Variants in ADK observed in about 807,000 individuals in gnomAD.
ADK encodes N6,N6-dimethyladenosine kinase.
Under a neutral mutation model 44.7 loss-of-function variants are expected in ADK, and 24 were observed. The ratio of observed to expected loss-of-function variants is 0.54; its 90% CI spans 0.39 to 0.76. ADK has a LOEUF of 0.76. ADK is among the 30% of genes least tolerant of loss of function. The pLI is 0.00. For missense variants in ADK, 321 were observed against 425.1 expected, an observed-to-expected ratio of 0.76 and a Z score of 2.15; for synonymous variants, 128 against 142.6, an observed-to-expected ratio of 0.90 and a Z score of 0.73.
chr10:74,229,326 A>G (rs192935158), intron 3 of ADK, among the ~76,000 whole-genome samples: 1 of 151,556 alleles, frequency 6.6e-6, no homozygotes, highest in Non-Finnish European at 1.5e-5. Flanking sequence ...CAGGAAAGTT[A>G]TAAGTATTTA....
chr10:74,226,848 G>A (rs1307435235), intron 3 of ADK, among the ~76,000 whole-genome samples: 1 of 152,026 alleles, frequency 6.6e-6, no homozygotes, highest in Non-Finnish European at 1.5e-5. Flanking sequence ...CCACTTGTTT[G>A]ATTTGTCATT....
intron 7 of ADK, among the ~76,000 whole-genome samples, chr10:74,575,962 A>G (rs1206994545): frequency 1.3e-5 from 2 of 152,208 alleles, no homozygotes; most frequent in East Asian, 1.9e-4. Flanking sequence ...ATTTATGCAT[A>G]TAAAATGGAC....
At chr10:74,683,660 G>A (rs909451530) in intron 10 of ADK, among the ~76,000 whole-genome samples, 17 of 152,178 alleles carry the variant, frequency 1.1e-4, no homozygotes, top group African/African-American at 3.9e-4. Context: ...TGTTCTAGAC[G>A]CACATGGGAA....
At chr10:74,371,804 T>C (rs1352915212) in intron 4 of ADK, 2 of 1,272,190 alleles carry the variant, frequency 1.6e-6, no homozygotes, top group African/African-American at 1.5e-5. Context: ...TGCTGAAGTT[T>C]GCTGCTGCCA....
chr10:74,567,506 A>G (rs1231753772), intron 7 of ADK, among the ~76,000 whole-genome samples: 1 of 152,090 alleles, frequency 6.6e-6, no homozygotes, highest in Non-Finnish European at 1.5e-5. Context: ...CTCTGCTCAT[A>G]TTTTATGGGC....
intron 4 of ADK, among the ~76,000 whole-genome samples, chr10:74,377,859 G>T (rs1313224362): frequency 6.6e-6 from 1 of 152,082 alleles, no homozygotes; most frequent in Admixed American, 6.6e-5. Flanking sequence ...AGTTTTTCTG[G>T]GGCCTCCTTA....
At chr10:74,218,672 G>A (rs1194141915) in intron 2 of ADK, among the ~76,000 whole-genome samples, 6 of 152,130 alleles carry the variant, frequency 3.9e-5, no homozygotes, top group East Asian at 1.9e-4. Flanking sequence ...CGGATCTCTC[G>A]GCAAAAACTC....
At chr10:74,412,495 A>G (rs913137418) in intron 6 of ADK, among the ~76,000 whole-genome samples, 5 of 152,114 alleles carry the variant, frequency 3.3e-5, no homozygotes, top group Admixed American at 6.6e-5. Flanking sequence ...GAGGTTTTCA[A>G]TTTACTCTGC....
chr10:74,449,375 A>G (rs1845692898), intron 6 of ADK, among the ~76,000 whole-genome samples: 1 of 152,208 alleles, frequency 6.6e-6, no homozygotes, highest in African/African-American at 2.4e-5. Context: ...TACATCTGAA[A>G]AATACCTGTA....
chr10:74,651,850 C>T (rs1042904090), intron 9 of ADK, among the ~76,000 whole-genome samples: 1 of 151,852 alleles, frequency 6.6e-6, no homozygotes, highest in African/African-American at 2.4e-5. Context: ...GAATGAATGT[C>T]AAAAACATTA....
chr10:74,195,090 C>CAA lies in ADK; in HGVS notation c.66-5665_66-5664dup, dbSNP rs11372723. On this transcript the variant is annotated intron_variant, in intron 1 of 10. Transcript: ENST00000539909. ...TAAAATTACTGACCGCTCCCCCCCC[C>CAA]AAAAAAAAAAGATTGTTCAGAATCT... Among the ~76,000 whole-genome samples the CAA allele has an allele frequency of 2.7e-3, 408 of 148,902 alleles. 2 individuals are homozygous for CAA. The highest frequency in any genetic ancestry group is 5.1e-3 in the South Asian group (24 of 4,716).
intron 6 of ADK, among the ~76,000 whole-genome samples, chr10:74,494,961 G>T (rs1847630190): frequency 6.6e-6 from 1 of 152,172 alleles, no homozygotes; most frequent in African/African-American, 2.4e-5. Context: ...GCTCCATGTG[G>T]AATTCTAGTG....
At chr10:74,426,961 GC>G (rs1287557281) in intron 6 of ADK, among the ~76,000 whole-genome samples, 1 of 151,938 alleles carries the variant, frequency 6.6e-6, no homozygotes, top group Non-Finnish European at 1.5e-5. Flanking sequence ...GCCTCAACAG[GC>G]CCCTGTGTGT....
chr10:74,257,163 A>T (rs187771082), intron 3 of ADK, among the ~76,000 whole-genome samples: 13 of 151,086 alleles, frequency 8.6e-5, no homozygotes, highest in Non-Finnish European at 1.6e-4. Context: ...ATCCTTCAGT[A>T]TACATGGGCG....
At chr10:74,261,890 G>C (rs1278620786) in intron 3 of ADK, among the ~76,000 whole-genome samples, 1 of 151,492 alleles carries the variant, frequency 6.6e-6, no homozygotes, top group Non-Finnish European at 1.5e-5. Context: ...ATAGTCCAGA[G>C]ACTTAAATGT....
chr10:74,404,831 A>G (rs1178269395), intron 6 of ADK, among the ~76,000 whole-genome samples: 1 of 152,226 alleles, frequency 6.6e-6, no homozygotes, highest in Non-Finnish European at 1.5e-5. Context: ...CTTACAAAAA[A>G]TACACACAGA....
At chr10:74,612,217 A>G (rs2133998628) in intron 9 of ADK, among the ~76,000 whole-genome samples, 1 of 152,270 alleles carries the variant, frequency 6.6e-6, no homozygotes, top group South Asian at 2.1e-4. Context: ...TCTGATTATT[A>G]GTGATGTGGA....
intron 6 of ADK, among the ~76,000 whole-genome samples, chr10:74,513,741 G>A (rs1276182476): frequency 3.9e-5 from 6 of 152,146 alleles, no homozygotes; most frequent in Admixed American, 3.3e-4. Context: ...TGTTATTATT[G>A]ATAGGTGAGG....
intron 4 of ADK, among the ~76,000 whole-genome samples, chr10:74,323,696 G>A (rs1319628604): frequency 4.0e-5 from 6 of 150,752 alleles, no homozygotes; most frequent in East Asian, 2.0e-4. Context: ...TCAGCCTCCC[G>A]AGTAGCTGGG....
Sources: gnomAD v4.1 joint callset for allele counts (sites outside exome capture counted in the v4.1 genomes callset) on GRCh38, gnomAD v4.1.1 for gene constraint, MANE v1.5 for transcripts, NCBI Gene and HGNC (gene_info 2026-07-23, HGNC 2026-07-21) for gene names.